Variants in OXCT1 observed in about 807,000 individuals in gnomAD.
The protein encoded by OXCT1 is succinyl-CoA:3-ketoacid coenzyme A transferase 1, mitochondrial.
In OXCT1, 27 loss-of-function variants were observed where a neutral mutation model predicts 69.6. The ratio of observed to expected loss-of-function variants is 0.39; its 90% CI spans 0.29 to 0.54. The LOEUF is 0.54. Ranked by LOEUF, OXCT1 falls within the 20% of genes least tolerant of loss-of-function variation. The pLI is 0.72. For missense variants in OXCT1, 437 were observed against 650.2 expected (o/e 0.67, Z 3.57); for synonymous variants, 202 against 217.8 (o/e 0.93, Z 0.64).
intron 3 of OXCT1, among the ~76,000 whole-genome samples, chr5:41,859,907 T>TATATAC (rs1304074270): frequency 3.2e-3 from 444 of 138,454 alleles, no homozygotes; most frequent in African/African-American, 0.011. Context: ...TATATATATA[T>TATATAC]ACACACACAC....
At chr5:41,742,187 A>G (rs1743202281) in intron 15 of OXCT1, among the ~76,000 whole-genome samples, 1 of 152,224 alleles carries the variant, frequency 6.6e-6, no homozygotes, top group Non-Finnish European at 1.5e-5. Context: ...ACATTTATCA[A>G]ATCTTAATTA....
intron 14 of OXCT1, among the ~76,000 whole-genome samples, chr5:41,753,290 TAGAC>T (rs1561363355): frequency 8.0e-6 from 1 of 124,618 alleles, no homozygotes; most frequent in Non-Finnish European, 1.7e-5. Flanking sequence ...CACACACACA[TAGAC>T]ACACACACAC....
intron 1 of OXCT1, among the ~76,000 whole-genome samples, chr5:41,866,927 A>G (rs183815813): frequency 6.6e-6 from 1 of 152,224 alleles, no homozygotes; most frequent in Non-Finnish European, 1.5e-5. Flanking sequence ...CCACATGAGT[A>G]AGAGTTCAGC....
chr5:41,750,811 C>A (rs1743742482), intron 14 of OXCT1, among the ~76,000 whole-genome samples: 1 of 151,998 alleles, frequency 6.6e-6, no homozygotes, highest in Non-Finnish European at 1.5e-5. Flanking sequence ...CTTTAATGTA[C>A]TTAAGCCAGT....
Position 41,739,469 on chromosome 5 carries a change from T to C in OXCT1, c.1442A>G (p.Lys481Arg). 2 of 1,613,312 alleles carry C rather than the reference T, an allele frequency of 1.2e-6. No homozygotes were observed. The highest frequency in any genetic ancestry group is 1.7e-6 in the Non-Finnish European group (2 of 1,179,248). ...TEKAVFDVDKKKGLTLIELWE... is the reference protein window; with the variant it reads ...TEKAVFDVDKRKGLTLIELWE... ...GAGCTCAATCAGAGTCAACCCTTTCTTCTTGTCCACATCAAACACAGCCTG... is the reference window on the plus strand; with the variant it reads ...GAGCTCAATCAGAGTCAACCCTTTCCTCTTGTCCACATCAAACACAGCCTG... The change falls in exon 16 of 17, where the codon AAG becomes AGG. Residue 481 changes from lysine (K) to arginine (R), a missense_variant. Around this residue, in one of 4 missense-constraint regions of OXCT1, gnomAD observed 102 missense variants for 162.1 expected, o/e 0.63. Coordinates refer to ENST00000196371, the MANE Select transcript of OXCT1 (RefSeq NM_000436.4).
chr5:41,780,889 A>G (rs1745363024), intron 13 of OXCT1, among the ~76,000 whole-genome samples: 1 of 151,864 alleles, frequency 6.6e-6, no homozygotes, highest in African/African-American at 2.4e-5. Flanking sequence ...CACTGACCTT[A>G]TAGTACTGTC....
At chr5:41,858,064 T>C (rs1749512281) in intron 3 of OXCT1, among the ~76,000 whole-genome samples, 1 of 152,224 alleles carries the variant, frequency 6.6e-6, no homozygotes, top group Admixed American at 6.5e-5. Flanking sequence ...CACATCTCTT[T>C]ATTCATTTGT....
At chr5:41,750,992 T>G (rs951883) in intron 14 of OXCT1, among the ~76,000 whole-genome samples, 27,728 of 152,142 alleles carry the variant, frequency 0.18, 2,741 homozygotes, top group Middle Eastern at 0.29. Flanking sequence ...TAACACCTTT[T>G]AAAACAATTC....
chr5:41,793,679 A>G (rs1746040650), intron 13 of OXCT1, among the ~76,000 whole-genome samples: 1 of 152,206 alleles, frequency 6.6e-6, no homozygotes, highest in Admixed American at 6.5e-5. Flanking sequence ...CTAGTTTAAA[A>G]TTTTAGTTAT....
In OXCT1 at chr5:41,731,560, G is replaced by A; in HGVS notation, c.*169C>T. The A allele has an allele frequency of 1.9e-6, 2 of 1,043,458 alleles. No individual in the cohort carries two copies. The highest frequency in any genetic ancestry group is 2.8e-5 in the Admixed American group (1 of 35,656). The allele number at this position is 1,043,458 out of a possible 1,614,324, so 64.6% of individuals were successfully genotyped here. A position where few individuals can be genotyped will look rare whatever the true frequency, so the allele number is the denominator to read the frequency against. On this transcript the variant is annotated 3_prime_UTR_variant, in exon 17 of 17. Coordinates refer to ENST00000196371, the MANE Select transcript of OXCT1 (RefSeq NM_000436.4). ...TGCTCCTTTTGCTTTTTATTAAAAT[G>A]TCACAGCATGCCTAGAGAACAGTTT... is the stretch of plus-strand genomic sequence containing the variant.
chr5:41,763,924 T>G (rs545969477), intron 13 of OXCT1, among the ~76,000 whole-genome samples: 2 of 152,254 alleles, frequency 1.3e-5, no homozygotes, highest in East Asian at 3.9e-4. Context: ...TTTATACATT[T>G]TAAATTACTG....
At chr5:41,784,490 G>C (rs1275595046) in intron 13 of OXCT1, among the ~76,000 whole-genome samples, 1 of 152,174 alleles carries the variant, frequency 6.6e-6, no homozygotes, top group Non-Finnish European at 1.5e-5. Context: ...AAGGCTTACA[G>C]AATGCTATAC....
chr5:41,752,227 C>T (rs573467634), intron 14 of OXCT1, among the ~76,000 whole-genome samples: 1 of 152,200 alleles, frequency 6.6e-6, no homozygotes, highest in South Asian at 2.1e-4. Context: ...TTTGTGGTCC[C>T]TTAAATTCTT....
chr5:41,800,995 G>A (rs1746395175), intron 11 of OXCT1, 27 bp downstream of exon 11: 1 of 1,598,168 alleles, frequency 6.3e-7, no homozygotes. Flanking sequence ...AATAGCAAAG[G>A]GAAGGGCTAG....
intron 3 of OXCT1, among the ~76,000 whole-genome samples, chr5:41,854,786 G>A (rs1749355454): frequency 6.6e-6 from 1 of 152,064 alleles, no homozygotes; most frequent in Admixed American, 6.6e-5. Flanking sequence ...AAAATACCAA[G>A]TCTCGACAAA....
In OXCT1 at chr5:41,857,343, C is replaced by G. The variant is rs140566615; in HGVS notation, c.279-3789G>C. Among the ~76,000 whole-genome samples the G allele has an allele frequency of 4.7e-3, 713 of 152,328 alleles. 4 individuals carry two copies. The highest frequency in any genetic ancestry group is 0.014 in the Middle Eastern group (4 of 294). ...AGTGGCCTGCAAGGTCCCATGTGATCAGTTGCCCTTTGATGTCCCCAACCT... is the reference window on the plus strand; with the variant it reads ...AGTGGCCTGCAAGGTCCCATGTGATGAGTTGCCCTTTGATGTCCCCAACCT... On this transcript the variant is annotated intron_variant, in intron 3 of 16. Coordinates refer to ENST00000196371, the MANE Select transcript of OXCT1 (RefSeq NM_000436.4).
intron 7 of OXCT1, among the ~76,000 whole-genome samples, chr5:41,817,525 T>A (rs1427149939): frequency 6.6e-6 from 1 of 152,214 alleles, no homozygotes; most frequent in Non-Finnish European, 1.5e-5. Flanking sequence ...ACACTCTAGA[T>A]TAATGTCATC....
At chr5:41,800,411 C>T (rs961431307) in intron 11 of OXCT1, among the ~76,000 whole-genome samples, 5 of 151,896 alleles carry the variant, frequency 3.3e-5, no homozygotes, top group Non-Finnish European at 7.4e-5. Flanking sequence ...TTCACTCCCA[C>T]CCTTCTCTAT....
At chr5:41,782,176 T>C (rs1745437110) in intron 13 of OXCT1, among the ~76,000 whole-genome samples, 1 of 151,666 alleles carries the variant, frequency 6.6e-6, no homozygotes, top group South Asian at 2.1e-4. Flanking sequence ...GGTATCTCAT[T>C]CTGGTTTTGA....
Sources: gnomAD v4.1 joint callset for allele counts (sites outside exome capture counted in the v4.1 genomes callset) on GRCh38, gnomAD v4.1.1 for gene constraint, gnomAD v4.1.1 regional missense constraint, MANE v1.5 for transcripts, NCBI Gene and HGNC (gene_info 2026-07-23, HGNC 2026-07-21) for gene names.